The following CPNE8 variants were observed in gnomAD, a reference collection of about 807,000 sequenced individuals.
CPNE8 encodes copine-8.
Under a neutral mutation model 81.5 loss-of-function variants are expected in CPNE8, and 45 were observed. The observed-to-expected ratio is 0.55, with a 90% CI of 0.44 to 0.71. CPNE8 has a LOEUF of 0.71. Ranked by LOEUF, CPNE8 falls within the 30% of genes least tolerant of loss-of-function variation. CPNE8 has a pLI of 0.00. For synonymous variants in CPNE8, 252 were observed against 226.3 expected (o/e 1.11, Z -1.02); for missense variants, 594 against 672.1 (o/e 0.88, Z 1.28).
intron 13 of CPNE8, chr12:38,720,762 C>A (rs866813335): frequency 6.6e-6 from 1 of 152,200 alleles, no homozygotes; most frequent in Non-Finnish European, 1.5e-5. Context: ...CTCCGGGGAG[C>A]GTGTGGGAGC....
At chr12:38,684,786 A>G (rs1939495682) in intron 16 of CPNE8, among the ~76,000 whole-genome samples, 1 of 152,222 alleles carries the variant, frequency 6.6e-6, no homozygotes, top group East Asian at 1.9e-4. Context: ...TGCAATTTCT[A>G]ATTATCTCAA....
At chr12:38,715,689 C>T (rs1365085162) in intron 13 of CPNE8, among the ~76,000 whole-genome samples, 1 of 152,082 alleles carries the variant, frequency 6.6e-6, no homozygotes, top group Non-Finnish European at 1.5e-5. Context: ...CAAAAGCATA[C>T]TGAATGGAGA....
intron 7 of CPNE8, among the ~76,000 whole-genome samples, chr12:38,772,161 CT>C: frequency 6.6e-6 from 1 of 152,268 alleles, no homozygotes; most frequent in East Asian, 1.9e-4. Context: ...TCTGCTTCCA[CT>C]TTCACTTTCT....
chr12:38,859,391 G>A (rs769660267), intron 3 of CPNE8, among the ~76,000 whole-genome samples: 2 of 151,896 alleles, frequency 1.3e-5, no homozygotes, highest in Non-Finnish European at 2.9e-5. Context: ...AACTAAGAAG[G>A]TAAAAGACAC....
At chr12:38,888,568 T>G (rs1213264936) in intron 1 of CPNE8, among the ~76,000 whole-genome samples, 1 of 152,202 alleles carries the variant, frequency 6.6e-6, no homozygotes, top group Non-Finnish European at 1.5e-5. Context: ...TGGGAATATG[T>G]AGGTCAGCAT....
intron 13 of CPNE8, among the ~76,000 whole-genome samples, chr12:38,706,361 C>T (rs1471140168): frequency 6.6e-6 from 1 of 152,038 alleles, no homozygotes; most frequent in East Asian, 1.9e-4. Flanking sequence ...CTGTGTTCTA[C>T]AGGTTTTGAT....
intron 13 of CPNE8, among the ~76,000 whole-genome samples, chr12:38,718,985 G>T (rs950564736): frequency 6.6e-6 from 1 of 152,034 alleles, no homozygotes; most frequent in African/African-American, 2.4e-5. Context: ...TAAAAAAATA[G>T]TAATAGCAGA....
intron 18 of CPNE8, among the ~76,000 whole-genome samples, chr12:38,673,337 G>C (rs1416820350): frequency 6.6e-6 from 1 of 152,058 alleles, no homozygotes; most frequent in African/African-American, 2.4e-5. Flanking sequence ...CAATTTGCCA[G>C]TTGGATTTAG....
intron 8 of CPNE8, among the ~76,000 whole-genome samples, chr12:38,764,572 C>G (rs1254083917): frequency 1.4e-5 from 2 of 143,064 alleles, no homozygotes; most frequent in Non-Finnish European, 3.1e-5. Context: ...AGCCGAGATC[C>G]CGCCACTGCA....
At chr12:38,784,008 A>G (rs1382518630) in intron 6 of CPNE8, among the ~76,000 whole-genome samples, 3 of 152,218 alleles carry the variant, frequency 2.0e-5, no homozygotes, top group Non-Finnish European at 2.9e-5. Flanking sequence ...CATGACCTTA[A>G]CAAATGAACT....
intron 17 of CPNE8, 33 bp from the exon 18 acceptor site, chr12:38,675,807 A>G: frequency 7.3e-7 from 1 of 1,374,196 alleles, no homozygotes; most frequent in Non-Finnish European, 1.0e-6. Context: ...GGTTTCAATT[A>G]AGAAATTGAG....
intron 15 of CPNE8, among the ~76,000 whole-genome samples, chr12:38,686,681 C>G (rs780673772): frequency 2.6e-5 from 4 of 152,166 alleles, no homozygotes; most frequent in Non-Finnish European, 4.4e-5. Flanking sequence ...AGATGCCGAC[C>G]TGGGCTGCAG....
intron 6 of CPNE8, among the ~76,000 whole-genome samples, chr12:38,786,719 G>A (rs758000858): frequency 2.6e-5 from 4 of 151,986 alleles, no homozygotes; most frequent in Non-Finnish European, 5.9e-5. Flanking sequence ...TAGGTTTCAA[G>A]ACAAAAACTA....
intron 5 of CPNE8, among the ~76,000 whole-genome samples, chr12:38,832,404 C>T (rs1446394951): frequency 2.0e-5 from 3 of 152,162 alleles, no homozygotes; most frequent in Admixed American, 6.5e-5. Flanking sequence ...TAAACTGGGA[C>T]TGCTGAAGAA....
rs139244982 is a variant in CPNE8, at chr12:38,760,435, G to GTATATATATATATATATATATATATATA, written c.722+411_722+412insTATATATATATATATATATATATATATA. On this transcript the variant is annotated intron_variant, in intron 10 of 19. Transcript: ENST00000331366. ...ATTCTCGAGTTTTGTTGTATGGTGT[G>GTATATATATATATATATATATATATATA]TATATATATATATATATGTGTGTGT... 1.4e-3 allele frequency among the ~76,000 whole-genome samples: 174 copies of GTATATATATATATATATATATATATATA among 127,134 alleles called. 2 individuals are homozygous for GTATATATATATATATATATATATATATA. The highest frequency in any genetic ancestry group is 5.4e-3 in the African/African-American group (155 of 28,570). 83.4% of individuals were successfully genotyped at this position (127,134 alleles called of 152,430 possible). A position where few individuals can be genotyped will look rare whatever the true frequency, so the allele number is the denominator to read the frequency against.
intron 8 of CPNE8, among the ~76,000 whole-genome samples, chr12:38,765,626 C>T (rs1178511706): frequency 6.6e-6 from 1 of 151,934 alleles, no homozygotes; most frequent in African/African-American, 2.4e-5. Flanking sequence ...AAAAGTGAGG[C>T]GTAAAAGCAT....
chr12:38,700,948 T>C (rs146456386), intron 14 of CPNE8, among the ~76,000 whole-genome samples: 33 of 152,320 alleles, frequency 2.2e-4, no homozygotes, highest in Non-Finnish European at 4.0e-4. Context: ...TGTGAGTGAA[T>C]TAAACCTGTT....
intron 1 of CPNE8, among the ~76,000 whole-genome samples, chr12:38,885,469 G>A (rs73274764): frequency 6.6e-6 from 1 of 152,114 alleles, no homozygotes; most frequent in African/African-American, 2.4e-5. Context: ...TGCATGAATA[G>A]AACTCATTTA....
In CPNE8 at chr12:38,806,078, C is replaced by A. The variant is rs867068185; in HGVS notation, c.407+23301G>T. 4.7e-5 allele frequency among the ~76,000 whole-genome samples: 7 copies of A among 150,354 alleles called. No individual in the cohort carries two copies. In the South Asian group the frequency reaches 1.5e-3, roughly 32 times the overall value. On this transcript the variant is annotated intron_variant, in intron 6 of 19. Coordinates refer to ENST00000331366, the MANE Select transcript of CPNE8 (RefSeq NM_153634.3). ...GAAGAAGTTGAATCTCTGAATAGAC[C>A]AATAACAGGCTCTGAAATTGTGGCA...
Sources: gnomAD v4.1 joint callset for allele counts (sites outside exome capture counted in the v4.1 genomes callset) on GRCh38, gnomAD v4.1.1 for gene constraint, MANE v1.5 for transcripts, NCBI Gene and HGNC (gene_info 2026-07-23, HGNC 2026-07-21) for gene names.